LAMA4: variants seen among roughly 807,000 people sequenced by gnomAD.
LAMA4 encodes the protein laminin subunit alpha 4.
Under a neutral mutation model 207.1 loss-of-function variants are expected in LAMA4, and 127 were observed. The observed-to-expected ratio is 0.61, with a 90% CI of 0.53 to 0.71. LAMA4 has a LOEUF of 0.71. Among genes scored for constraint, LAMA4 ranks in the 30% least tolerant of loss-of-function variants. The probability of loss-of-function intolerance (pLI) is 0.00; values close to 1 mark genes in which losing one functional copy is unlikely to be tolerated. For synonymous variants in LAMA4, 761 were observed against 816.0 expected (o/e 0.93, Z 1.15); for missense variants, 2,093 against 2,246.5 (o/e 0.93, Z 1.38).
intron 13 of LAMA4, 93 bp downstream of exon 13, chr6:112,165,067 G>A (rs1781303646): frequency 1.2e-6 from 1 of 801,054 alleles, no homozygotes; most frequent in East Asian, 2.4e-5. Context: ...CCTGCTCACT[G>A]GTTAGATATG....
chr6:112,131,503 T>C (rs1554329775), intron 28 of LAMA4, among the ~76,000 whole-genome samples: 2 of 152,138 alleles, frequency 1.3e-5, no homozygotes, highest in African/African-American at 4.8e-5. Flanking sequence ...TTAAAATCTT[T>C]CACTTTTTCA....
chr6:112,149,325 T>C (rs1183428564), intron 17 of LAMA4, among the ~76,000 whole-genome samples: 2 of 152,126 alleles, frequency 1.3e-5, no homozygotes, highest in East Asian at 3.9e-4. Context: ...GTAGTGGTAC[T>C]TATCCCCATG....
intron 4 of LAMA4, among the ~76,000 whole-genome samples, chr6:112,205,861 T>A (rs1583886834): frequency 6.6e-6 from 1 of 152,196 alleles, no homozygotes; most frequent in South Asian, 2.1e-4. Flanking sequence ...CAATGGCCAA[T>A]GATTTGACCA....
intron 5 of LAMA4, 100 bp from the exon 6 acceptor site, chr6:112,191,950 G>GAT: frequency 1.0e-6 from 1 of 993,184 alleles, no homozygotes. Flanking sequence ...GATATTTATT[G>GAT]ATTTCCCTCC....
At chr6:112,174,447 A>G (rs1554342951) in intron 11 of LAMA4, among the ~76,000 whole-genome samples, 2 of 152,226 alleles carry the variant, frequency 1.3e-5, no homozygotes, top group African/African-American at 4.8e-5. Context: ...CCATGAAAGC[A>G]TGAGCAATAA....
In LAMA4 at chr6:112,185,294, G is replaced by A. The variant is rs147822567; in HGVS notation, c.1020C>T (p.Asn340=). 2.6e-4 allele frequency: 413 copies of A among 1,613,606 alleles called. 5 individuals are homozygous for A. In the South Asian group the frequency reaches 3.0e-3, roughly 12 times the overall value. ...NQYALRKIQI[N]NAENTMKSLL... is the part of the protein sequence containing the mutation. ...GGCTTTTCATCGTGTTCTCAGCATT[G>A]TTGATTTGTATCTTTCTTAGGGCGT... The change falls in exon 9 of 39, where the codon AAC becomes AAT. Residue 340 remains asparagine (N), a synonymous_variant. Transcript: ENST00000230538.
intron 3 of LAMA4, among the ~76,000 whole-genome samples, chr6:112,209,344 T>C (rs943512926): frequency 6.6e-6 from 1 of 152,186 alleles, no homozygotes; most frequent in Non-Finnish European, 1.5e-5. Flanking sequence ...TATGGCTCGA[T>C]AGATGCTTTA....
At chr6:112,242,478 C>T (rs913763725) in intron 2 of LAMA4, among the ~76,000 whole-genome samples, 7 of 152,176 alleles carry the variant, frequency 4.6e-5, no homozygotes, top group African/African-American at 1.7e-4. Context: ...TTCAAGCCCA[C>T]CTGTATTTGA....
intron 7 of LAMA4, among the ~76,000 whole-genome samples, chr6:112,188,383 C>T (rs1437242431): frequency 2.0e-5 from 3 of 152,160 alleles, no homozygotes; most frequent in East Asian, 1.9e-4. Context: ...TTGGCCTTGT[C>T]TAGGGGCCAC....
chr6:112,215,290 T>C (rs1554358267), intron 3 of LAMA4, among the ~76,000 whole-genome samples: 1 of 152,162 alleles, frequency 6.6e-6, no homozygotes, highest in East Asian at 1.9e-4. Flanking sequence ...ATAGCAACAT[T>C]AGTATTTTGT....
Position 112,122,170 on chromosome 6 carries a change from T to G in LAMA4, c.4319A>C (p.Asp1440Ala). The G allele has an allele frequency of 1.2e-6, 2 of 1,613,802 alleles. No individual in the cohort carries two copies. ...CTCTGGGAGTTTCAGAGCAACAGGATCCCATGAAGGTGCATCTTTACTTTT... is the reference window on the plus strand; with the variant it reads ...CTCTGGGAGTTTCAGAGCAACAGGAGCCCATGAAGGTGCATCTTTACTTTT... ...GGKSKDAPSW[D>A]PVALKLPERN... The change falls in exon 32 of 39, where the codon GAT becomes GCT. Residue 1440 changes from aspartate to alanine, a missense_variant. By Grantham distance (126) the Asp-to-Ala change is moderately radical. Transcript: ENST00000230538.
rs1222147895 is a variant in LAMA4 at position 112,139,941 on chromosome 6, TCA to T, written c.2977-58_2977-57del. On this transcript the variant is annotated intron_variant, in intron 22 of 38. Transcript: ENST00000230538. ...CTCATGGTCATATTTTACTCAGACA[TCA>T]CAGAACAGACAATGCAACTAATAGT... The T allele has an allele frequency of 2.6e-6, 4 of 1,568,090 alleles. No homozygotes were observed. The Admixed American group carries it at 5.0e-5, about 20-fold the overall frequency.
rs782731098 is a variant in LAMA4, at chr6:112,185,379, T to C, written c.967-32A>G. ...AAGAATGTGTTTTGAGAATAGTCAA[T>C]GGGCACACCAGGTTTTAAAAAATGT... On this transcript the variant is annotated intron_variant, in intron 8 of 38. Transcript: ENST00000230538. The C allele has an allele frequency of 3.2e-6, 4 of 1,262,860 alleles. No individual in the cohort carries two copies. The South Asian group carries it at 3.6e-5, about 11-fold the overall frequency. 78.2% of individuals were successfully genotyped at this position (1,262,860 alleles called of 1,614,324 possible).
chr6:112,165,025 CTA>C, intron 13 of LAMA4, 133 bp downstream of exon 13: 1 of 739,984 alleles, frequency 1.4e-6, no homozygotes, highest in Non-Finnish European at 2.5e-6. Flanking sequence ...GTGCAAGAAA[CTA>C]AAACATTCAG....
chr6:112,148,228 T>C lies in LAMA4; in HGVS notation c.2282A>G (p.Asn761Ser). Residue 761 changes from asparagine to serine, a missense_variant, in exon 18 of 39, where the codon AAC becomes AGC. Physicochemically the swap from Asn to Ser is conservative, Grantham distance 46 (BLOSUM62 1). Around this residue, in one of 3 missense-constraint regions of LAMA4, gnomAD observed 1,704 missense variants for 1,788.4 expected, o/e 0.95. Coordinates refer to ENST00000230538, the MANE Select transcript of LAMA4 (RefSeq NM_001105206.3). ...AAAATGTTGAAGATTCTGTGACCAG[T>C]TGGTTAGATTGTTGGCCATGGGGGC... ...ATAPMANNLT[N>S]WSQNLQHFDS... The C allele has an allele frequency of 1.9e-6, 3 of 1,614,162 alleles. No individual in the cohort carries two copies. The highest frequency in any genetic ancestry group is 2.5e-6 in the Non-Finnish European group (3 of 1,180,010).
intron 9 of LAMA4, among the ~76,000 whole-genome samples, chr6:112,183,372 T>C (rs1554345735): frequency 6.6e-6 from 1 of 152,140 alleles, no homozygotes; most frequent in Non-Finnish European, 1.5e-5. Flanking sequence ...GGTCAGAACA[T>C]TATATTCAAT....
intron 10 of LAMA4, among the ~76,000 whole-genome samples, chr6:112,176,000 T>C (rs1782002594): frequency 6.6e-6 from 1 of 152,262 alleles, no homozygotes. Context: ...AATGAGAGCA[T>C]ATTGATAGCT....
At chr6:112,222,041 C>G (rs1361430628) in intron 2 of LAMA4, among the ~76,000 whole-genome samples, 2 of 152,122 alleles carry the variant, frequency 1.3e-5, no homozygotes, top group Non-Finnish European at 2.9e-5. Flanking sequence ...TTTTTCAGAT[C>G]AGGCTTAACA....
rs114039683 is a variant in LAMA4, at chr6:112,180,536, C to T, written c.1078-2304G>A. ...AGAAAAGCTGAAATTAAAAAATTAC[C>T]TTGTAACTGTAAACTAGTTGGTGGT... On this transcript the variant is annotated intron_variant, in intron 9 of 38. Coordinates refer to ENST00000230538, the MANE Select transcript of LAMA4 (RefSeq NM_001105206.3). Among the ~76,000 whole-genome samples the T allele has an allele frequency of 6.1e-3, 925 of 152,260 alleles. 16 individuals are homozygous for T. The highest frequency in any genetic ancestry group is 0.021 in the African/African-American group (885 of 41,536).
Sources: gnomAD v4.1 joint callset for allele counts (sites outside exome capture counted in the v4.1 genomes callset) on GRCh38, gnomAD v4.1.1 for gene constraint, gnomAD v4.1.1 regional missense constraint, MANE v1.5 for transcripts, NCBI Gene and HGNC (gene_info 2026-07-23, HGNC 2026-07-21) for gene names.